The following CCSER1 variants were observed in gnomAD, a reference collection of about 807,000 sequenced individuals.
CCSER1 encodes the protein serine-rich coiled-coil domain-containing protein 1.
CCSER1 carries 41 observed loss-of-function variants against 82.0 expected under a neutral mutation model. The observed-to-expected ratio is 0.50, with a 90% CI of 0.39 to 0.65. The LOEUF (loss-of-function observed/expected upper bound fraction) is 0.65, where lower values mean the gene tolerates loss of function less well. Ranked by LOEUF, CCSER1 falls within the 30% of genes least tolerant of loss-of-function variation. The probability of loss-of-function intolerance (pLI) is 0.00; values close to 1 mark genes in which losing one functional copy is unlikely to be tolerated. For missense variants in CCSER1, 1,119 were observed against 1,064.2 expected (o/e 1.05, Z -0.72); for synonymous variants, 414 against 383.9 (o/e 1.08, Z -0.92).
chr4:91,160,719 C>T (rs1277662851), intron 10 of CCSER1, among the ~76,000 whole-genome samples: 1 of 151,956 alleles, frequency 6.6e-6, no homozygotes, highest in African/African-American at 2.4e-5. Context: ...TGTACATATC[C>T]TTTGCCCACT....
At chr4:90,743,507 T>G (rs1386651974) in intron 7 of CCSER1, among the ~76,000 whole-genome samples, 2 of 152,220 alleles carry the variant, frequency 1.3e-5, no homozygotes, top group Non-Finnish European at 2.9e-5. Flanking sequence ...GGAAGCCTTA[T>G]GTCAGAATAT....
intron 6 of CCSER1, among the ~76,000 whole-genome samples, chr4:90,688,959 C>A (rs1338129786): frequency 6.6e-6 from 1 of 152,024 alleles, no homozygotes; most frequent in Non-Finnish European, 1.5e-5. Context: ...AGCTGATATA[C>A]ATATATCTGG....
rs181596066 is a variant in CCSER1, at chr4:90,480,002, A to G, written c.1724+11648A>G. On this transcript the variant is annotated intron_variant, in intron 5 of 10. Coordinates refer to ENST00000509176, the MANE Select transcript of CCSER1 (RefSeq NM_001145065.2). The stretch of plus-strand genomic sequence containing the variant: ...GTTTACAGTCCCACCAACAGTGTCA[A>G]AGTGTTCCTATTTCTCCACATCCTC... 7.4e-4 allele frequency among the ~76,000 whole-genome samples: 112 copies of G among 152,276 alleles called. 1 individual carries two copies. The East Asian group carries it at 0.019, about 25-fold the overall frequency.
At chr4:90,360,581 A>G (rs1745214521) in intron 3 of CCSER1, among the ~76,000 whole-genome samples, 1 of 74,876 alleles carries the variant, frequency 1.3e-5, no homozygotes, top group Non-Finnish European at 2.6e-5. Flanking sequence ...CTCCGTCTCA[A>G]AAAAAAAAAA....
chr4:91,071,332 A>G (rs1266097772), intron 9 of CCSER1, among the ~76,000 whole-genome samples: 1 of 152,226 alleles, frequency 6.6e-6, no homozygotes, highest in Admixed American at 6.5e-5. Context: ...TGAAGTAGGC[A>G]GAAGATTGTA....
rs9884735 is a variant in CCSER1, at chr4:90,536,808, T to A, written c.1724+68454T>A. On this transcript the variant is annotated intron_variant, in intron 5 of 10. Coordinates refer to ENST00000509176, the MANE Select transcript of CCSER1 (RefSeq NM_001145065.2). ...TGAGGAAAATTCTAGCTACCTTACA[T>A]GGTTATTGTTATTAAATTTGAATGA... Among the ~76,000 whole-genome samples, 683 of 152,332 alleles carry A rather than the reference T, an allele frequency of 4.5e-3. 3 individuals carry two copies. The highest frequency in any genetic ancestry group is 0.016 in the African/African-American group (646 of 41,574).
intron 10 of CCSER1, among the ~76,000 whole-genome samples, chr4:91,151,773 G>T (rs1581656210): frequency 6.6e-6 from 1 of 152,178 alleles, no homozygotes; most frequent in East Asian, 1.9e-4. Context: ...TTTCCATGTA[G>T]TTGAGGGGTT....
chr4:91,118,431 C>T (rs957999101), intron 10 of CCSER1, among the ~76,000 whole-genome samples: 3 of 151,840 alleles, frequency 2.0e-5, no homozygotes, highest in Non-Finnish European at 4.4e-5. Flanking sequence ...CACACCACTG[C>T]ACTTGGCTAA....
intron 5 of CCSER1, among the ~76,000 whole-genome samples, chr4:90,590,815 T>G (rs879441499): frequency 2.0e-5 from 3 of 152,150 alleles, no homozygotes; most frequent in Non-Finnish European, 4.4e-5. Flanking sequence ...TTTAAAGTAG[T>G]TTTTTCTAGT....
chr4:91,369,796 G>A (rs780753485), intron 10 of CCSER1, among the ~76,000 whole-genome samples: 5 of 149,990 alleles, frequency 3.3e-5, no homozygotes, highest in Non-Finnish European at 3.0e-5. Flanking sequence ...AGCCTCCCAA[G>A]TAGCTGGGAC....
intron 10 of CCSER1, among the ~76,000 whole-genome samples, chr4:91,328,895 A>T (rs1055104835): frequency 1.3e-5 from 2 of 152,094 alleles, no homozygotes; most frequent in Admixed American, 1.3e-4. Flanking sequence ...TTCTCATGGT[A>T]GTGAATAGGT....
intron 10 of CCSER1, among the ~76,000 whole-genome samples, chr4:91,496,564 G>GTATATATATATATA (rs367939121): frequency 1.7e-4 from 3 of 17,636 alleles, no homozygotes; most frequent in Non-Finnish European, 4.5e-4. Flanking sequence ...CATAAATCTT[G>GTATATATATATATA]TATATATATA....
chr4:90,331,314 A>C (rs1185275839), intron 3 of CCSER1, among the ~76,000 whole-genome samples: 1 of 152,162 alleles, frequency 6.6e-6, no homozygotes, highest in Non-Finnish European at 1.5e-5. Context: ...AGATGGACTT[A>C]ATGTCCACCT....
At chr4:91,261,570 T>C (rs1412819439) in intron 10 of CCSER1, among the ~76,000 whole-genome samples, 2 of 152,202 alleles carry the variant, frequency 1.3e-5, no homozygotes, top group Non-Finnish European at 2.9e-5. Context: ...TTCAATATTC[T>C]CAGCTTCCCT....
At chr4:90,692,035 G>GTGTATA (rs368942375) in intron 6 of CCSER1, among the ~76,000 whole-genome samples, 3 of 142,968 alleles carry the variant, frequency 2.1e-5, no homozygotes, top group Admixed American at 7.1e-5. Context: ...TTCAATGTGT[G>GTGTATA]TATATATATA....
intron 4 of CCSER1, among the ~76,000 whole-genome samples, chr4:90,441,882 G>A (rs1759938722): frequency 6.6e-6 from 1 of 152,190 alleles, no homozygotes; most frequent in Non-Finnish European, 1.5e-5. Context: ...ACTAGCTAAG[G>A]AAAGTTCTCA....
At chr4:90,398,923 G>A (rs1578272831) in intron 3 of CCSER1, among the ~76,000 whole-genome samples, 2 of 152,132 alleles carry the variant, frequency 1.3e-5, no homozygotes, top group East Asian at 3.9e-4. Context: ...TTAAACCCAA[G>A]GACTAAAGTG....
At chr4:90,614,592 T>G (rs1284977520) in intron 5 of CCSER1, among the ~76,000 whole-genome samples, 2 of 152,096 alleles carry the variant, frequency 1.3e-5, no homozygotes, top group African/African-American at 4.8e-5. Context: ...ATCAAATCAG[T>G]CATTACAGTC....
intron 10 of CCSER1, among the ~76,000 whole-genome samples, chr4:91,545,303 C>A (rs771419086): frequency 6.6e-5 from 10 of 152,052 alleles, no homozygotes; most frequent in Non-Finnish European, 1.2e-4. Flanking sequence ...CGCCCTGCTT[C>A]GGCTCATGGT....
Sources: allele counts gnomAD v4.1 joint callset (sites outside exome capture counted in the v4.1 genomes callset), GRCh38; gene constraint gnomAD v4.1.1; transcripts MANE v1.5; gene names NCBI Gene and HGNC (gene_info 2026-07-23, HGNC 2026-07-21).